The following BNC2 variants were observed in gnomAD, a reference collection of about 807,000 sequenced individuals.
BNC2 encodes basonuclin zinc finger protein 2, also known as zinc finger protein basonuclin-2.
BNC2 carries 20 observed loss-of-function variants against 76.3 expected under a neutral mutation model. The observed-to-expected ratio is 0.26, with a 90% CI of 0.18 to 0.38. The LOEUF is 0.38. BNC2 is among the 10% of genes least tolerant of loss of function. BNC2 has a pLI of 1.00. For missense variants in BNC2, 1,382 were observed against 1,399.8 expected, an observed-to-expected ratio of 0.99 and a Z score of 0.20; for synonymous variants, 582 against 514.8, an observed-to-expected ratio of 1.13 and a Z score of -1.77.
chr9:16,426,963 G>C lies in BNC2; in HGVS notation c.2640-7314C>G, dbSNP rs540645113. Among the ~76,000 whole-genome samples the C allele has an allele frequency of 7.9e-5, 12 of 152,296 alleles. No individual in the cohort carries two copies. The East Asian group carries it at 1.7e-3, about 22-fold the overall frequency. Reference sequence around the variant, plus strand: ...ACTGAACTTTTTACCCGAGAAATGAGAGAGCAAAGTGATCTAAAGAAACCA... The same window carrying C: ...ACTGAACTTTTTACCCGAGAAATGACAGAGCAAAGTGATCTAAAGAAACCA... On this transcript the variant is annotated intron_variant, in intron 6 of 6. Transcript: ENST00000380672.
chr9:16,614,039 T>G (rs926775410), intron 3 of BNC2, among the ~76,000 whole-genome samples: 5 of 152,200 alleles, frequency 3.3e-5, no homozygotes, highest in Non-Finnish European at 7.3e-5. Flanking sequence ...GAGCCAAACC[T>G]AATGAAACAA....
chr9:16,424,679 A>G (rs748957903), intron 6 of BNC2, among the ~76,000 whole-genome samples: 3 of 152,228 alleles, frequency 2.0e-5, no homozygotes, highest in African/African-American at 4.8e-5. Context: ...AGATAAATTT[A>G]TATCCAATCT....
intron 1 of BNC2, among the ~76,000 whole-genome samples, chr9:16,853,840 C>T (rs558235629): frequency 6.0e-4 from 91 of 152,192 alleles, no homozygotes; most frequent in Non-Finnish European, 1.1e-3. Context: ...TGCACTCTAG[C>T]CTGAGCAATA....
rs995787214 is a variant in BNC2, at chr9:16,571,041, T to C, written c.433+11942A>G. Among the ~76,000 whole-genome samples the C allele has an allele frequency of 2.6e-5, 4 of 152,166 alleles. No individual in the cohort carries two copies. In the South Asian group the frequency reaches 8.3e-4, roughly 32 times the overall value. ...CAACGGGCACAATCAAAAGAGTCAA[T>C]ACAAATTGTAAAATGTAGCAATTTT... is the stretch of plus-strand genomic sequence containing the variant. On this transcript the variant is annotated intron_variant, in intron 4 of 6. Transcript: ENST00000380672.
chr9:16,763,932 C>A (rs1008755036), intron 1 of BNC2, among the ~76,000 whole-genome samples: 1 of 152,154 alleles, frequency 6.6e-6, no homozygotes, highest in Admixed American at 6.5e-5. Context: ...ACTAATCACT[C>A]CCTACCGGAA....
intron 5 of BNC2, among the ~76,000 whole-genome samples, chr9:16,547,217 T>C (rs1333013975): frequency 1.3e-5 from 2 of 152,268 alleles, no homozygotes; most frequent in Non-Finnish European, 2.9e-5. Flanking sequence ...GGATGTTTTC[T>C]ACCACATGGA....
rs551982710 is a variant in BNC2, at chr9:16,768,043, G to A, written c.4-29558C>T. Among the ~76,000 whole-genome samples, 3 of 150,336 alleles carry A rather than the reference G, an allele frequency of 2.0e-5. No homozygotes were observed. The South Asian group carries it at 6.3e-4, about 32-fold the overall frequency. On this transcript the variant is annotated intron_variant, in intron 1 of 6. Coordinates refer to ENST00000380672, the MANE Select transcript of BNC2 (RefSeq NM_017637.6). ...TGAAGTGGCACAATCTTGGCTCACT[G>A]CAACCTCCACCTCCTGGGTTCAAGC...
At chr9:16,470,036 T>C (rs1214553329) in intron 5 of BNC2, among the ~76,000 whole-genome samples, 1 of 147,700 alleles carries the variant, frequency 6.8e-6, no homozygotes, top group Non-Finnish European at 1.5e-5. Context: ...CCCGCTCTGT[T>C]GCCCAGGCTG....
chr9:16,782,536 A>G (rs527400850), intron 1 of BNC2, among the ~76,000 whole-genome samples: 7 of 152,218 alleles, frequency 4.6e-5, no homozygotes, highest in East Asian at 3.9e-4. Flanking sequence ...ACTTTTACCA[A>G]TGTTGTTCTT....
In BNC2 at chr9:16,583,205, G is replaced by A. The variant is rs1013571732; in HGVS notation, c.331-120C>T. The A allele has an allele frequency of 5.6e-5, 46 of 815,908 alleles. No homozygotes were observed. The African/African-American group carries it at 6.7e-4, about 12-fold the overall frequency. 50.5% of individuals were successfully genotyped at this position (815,908 alleles called of 1,614,324 possible). On this transcript the variant is annotated intron_variant, in intron 3 of 6. Coordinates refer to ENST00000380672, the MANE Select transcript of BNC2 (RefSeq NM_017637.6). Reference sequence around the variant, plus strand: ...AAGATTTTATGATGGTAGGGGCCTGGAGAGTTTTAAAAATAAATTTAGATA... The same window carrying A: ...AAGATTTTATGATGGTAGGGGCCTGAAGAGTTTTAAAAATAAATTTAGATA...
chr9:16,479,461 T>C (rs2131487969), intron 5 of BNC2, among the ~76,000 whole-genome samples: 1 of 152,242 alleles, frequency 6.6e-6, no homozygotes, highest in African/African-American at 2.4e-5. Flanking sequence ...CCTTCAGTGA[T>C]AGGGAGGTAT....
chr9:16,429,946 GTC>G, intron 6 of BNC2: 1 of 515,826 alleles, frequency 1.9e-6, no homozygotes, highest in South Asian at 1.4e-5. Flanking sequence ...GCTTGACAGA[GTC>G]TCTCCCCATG....
chr9:16,525,801 G>C (rs1817781771), intron 5 of BNC2, among the ~76,000 whole-genome samples: 1 of 152,148 alleles, frequency 6.6e-6, no homozygotes, highest in African/African-American at 2.4e-5. Context: ...CACACAGAAA[G>C]ATATGTTGTG....
At chr9:16,866,793 T>A (rs1454620149) in intron 1 of BNC2, among the ~76,000 whole-genome samples, 1 of 152,006 alleles carries the variant, frequency 6.6e-6, no homozygotes, top group Non-Finnish European at 1.5e-5. Context: ...GTATATCTAA[T>A]AAAATCATGA....
chr9:16,494,228 C>A (rs190609486), intron 5 of BNC2, among the ~76,000 whole-genome samples: 1 of 152,218 alleles, frequency 6.6e-6, no homozygotes, highest in Non-Finnish European at 1.5e-5. Context: ...TCTCGGCTCA[C>A]TGCAAACTAC....
At chr9:16,502,927 T>C (rs1164586690) in intron 5 of BNC2, among the ~76,000 whole-genome samples, 1 of 152,230 alleles carries the variant, frequency 6.6e-6, no homozygotes, top group South Asian at 2.1e-4. Context: ...AAGGAAGAGC[T>C]ACAACAAGCG....
At chr9:16,544,238 T>C (rs1213073672) in intron 5 of BNC2, among the ~76,000 whole-genome samples, 2 of 151,970 alleles carry the variant, frequency 1.3e-5, no homozygotes, top group East Asian at 3.9e-4. Context: ...AATAAATCAA[T>C]TTTTTTTGCT....
At chr9:16,794,619 A>T (rs1817596987) in intron 1 of BNC2, among the ~76,000 whole-genome samples, 1 of 152,166 alleles carries the variant, frequency 6.6e-6, no homozygotes, top group African/African-American at 2.4e-5. Flanking sequence ...CCATTAGACA[A>T]ACAAAGGCAC....
chr9:16,843,123 G>A (rs1818875654), intron 1 of BNC2, among the ~76,000 whole-genome samples: 1 of 152,138 alleles, frequency 6.6e-6, no homozygotes, highest in Non-Finnish European at 1.5e-5. Context: ...ATTAAAAATA[G>A]ATTTGATAGA....
Sources: allele counts gnomAD v4.1 joint callset (sites outside exome capture counted in the v4.1 genomes callset), GRCh38; gene constraint gnomAD v4.1.1; transcripts MANE v1.5; gene names NCBI Gene and HGNC (gene_info 2026-07-23, HGNC 2026-07-21).